Variants in SEZ6L2 observed in about 807,000 individuals in gnomAD.
SEZ6L2 encodes the protein seizure 6-like protein 2.
SEZ6L2 carries 44 observed loss-of-function variants against 97.0 expected under a neutral mutation model. The ratio of observed to expected loss-of-function variants is 0.45; its 90% CI spans 0.36 to 0.58. The LOEUF is 0.58. SEZ6L2 is among the 20% of genes least tolerant of loss of function. SEZ6L2 has a pLI of 0.00. For synonymous variants in SEZ6L2, 543 were observed against 546.1 expected, an observed-to-expected ratio of 0.99 and a Z score of 0.08; for missense variants, 1,086 against 1,233.3, an observed-to-expected ratio of 0.88 and a Z score of 1.79.
chr16:29,872,693 G>T lies in SEZ6L2; in HGVS notation c.2527+12C>A. On this transcript the variant is annotated intron_variant, in intron 15 of 17. Coordinates refer to ENST00000617533, the MANE Select transcript of SEZ6L2 (RefSeq NM_001243332.2). ...CTGGCCAGCCTGGGTCTCCACCTGT[G>T]CTCTCACTGACCTTCCAGTTTTCGG... is the stretch of plus-strand genomic sequence containing the variant. 6.2e-7 allele frequency: 1 copy of T among 1,613,176 alleles called. No individual in the cohort carries two copies. Among genetic ancestry groups the T allele is most frequent in the Non-Finnish European group, 8.5e-7 (1 of 1,179,696 alleles).
chr16:29,898,063 C>T, intron 1 of SEZ6L2, 79 bp from the exon 2 acceptor site: 1 of 1,581,676 alleles, frequency 6.3e-7, no homozygotes, highest in South Asian at 1.1e-5. Context: ...TAGAACTCTT[C>T]CTCCCTCCTC....
Position 29,887,713 on chromosome 16 carries a change from C to T in SEZ6L2, c.1144G>A (p.Ala382Thr). The T allele has an allele frequency of 1.2e-6, 2 of 1,612,254 alleles. No individual in the cohort carries two copies. The highest frequency in any genetic ancestry group is 1.7e-5 in the Admixed American group (1 of 59,788). Reference protein sequence around the residue: ...PNLTCRWVIEAAEGRRLHLHF... With the variant: ...PNLTCRWVIETAEGRRLHLHF... Reference sequence around the variant, plus strand: ...AGGTGCAGCCGGCGCCCCTCAGCTGCTTCAATGACCCAACGGCAGGTGAGG... The same window carrying T: ...AGGTGCAGCCGGCGCCCCTCAGCTGTTTCAATGACCCAACGGCAGGTGAGG... Residue 382 changes from alanine (A) to threonine (T), a missense_variant, in exon 7 of 18, where the codon GCA becomes ACA. By Grantham distance (58) the Ala-to-Thr change is moderately conservative. This residue lies in a region of SEZ6L2 where 776 missense variants were observed against 794.7 expected (regional missense o/e 0.98). Coordinates refer to ENST00000617533, the MANE Select transcript of SEZ6L2 (RefSeq NM_001243332.2).
chr16:29,890,842 G>A lies in SEZ6L2; in HGVS notation c.854-2117C>T, dbSNP rs112011829. Among the ~76,000 whole-genome samples, 690 of 146,702 alleles carry A rather than the reference G, an allele frequency of 4.7e-3. 2 individuals are homozygous for A. Among genetic ancestry groups the A allele is most frequent in the African/African-American group, 0.017 (674 of 39,836 alleles). Reference sequence around the variant, plus strand: ...CAGCTCATTGCAACTTTTACCTCCCGGGTTCAAGTAATTCTCCTCCCTCAG... The same window carrying A: ...CAGCTCATTGCAACTTTTACCTCCCAGGTTCAAGTAATTCTCCTCCCTCAG... On this transcript the variant is annotated intron_variant, in intron 5 of 17. Transcript: ENST00000617533.
At chr16:29,874,706 G>A (rs1386196433) in intron 12 of SEZ6L2, among the ~76,000 whole-genome samples, 2 of 151,392 alleles carry the variant, frequency 1.3e-5, no homozygotes, top group South Asian at 2.1e-4. Context: ...GAGTAGCTGC[G>A]ATTACAGGCA....
intron 5 of SEZ6L2, among the ~76,000 whole-genome samples, chr16:29,890,743 CTTTTTTTTTTTTTT>C (rs71143763): frequency 4.0e-5 from 3 of 74,360 alleles, no homozygotes; most frequent in African/African-American, 6.0e-5. Flanking sequence ...TAACCATTGT[CTTTTTTTTTTTTTT>C]TTTTTTTTTT....
intron 7 of SEZ6L2, among the ~76,000 whole-genome samples, chr16:29,886,512 A>C (rs891722618): frequency 6.9e-6 from 1 of 145,006 alleles, no homozygotes; most frequent in Non-Finnish European, 1.5e-5. Context: ...CAACTCTACT[A>C]AAAAAAAAAG....
At chr16:29,878,746 A>AT (rs1238821430) in intron 9 of SEZ6L2, among the ~76,000 whole-genome samples, 19 of 114,284 alleles carry the variant, frequency 1.7e-4, no homozygotes, top group African/African-American at 6.3e-4. Context: ...ACCACACCCT[A>AT]TTTTTTTTTC....
chr16:29,891,930 T>G (rs1020137925), intron 5 of SEZ6L2, among the ~76,000 whole-genome samples: 15 of 152,124 alleles, frequency 9.9e-5, no homozygotes, highest in African/African-American at 3.1e-4. Context: ...CACCCACCCC[T>G]CAGCCTCAAT....
At chr16:29,890,197 A>T (rs892860608) in intron 5 of SEZ6L2, among the ~76,000 whole-genome samples, 3 of 152,104 alleles carry the variant, frequency 2.0e-5, no homozygotes, top group African/African-American at 7.2e-5. Context: ...GCCACTGAGT[A>T]TTAAGATCTT....
chr16:29,895,230 C>CACTG, intron 5 of SEZ6L2, 29 bp downstream of exon 5: 1 of 1,585,090 alleles, frequency 6.3e-7, no homozygotes, highest in Non-Finnish European at 8.7e-7. Flanking sequence ...TGGCCCCTGC[C>CACTG]CTTCCAGCAG....
At chr16:29,887,929 G>T in intron 6 of SEZ6L2, 112 bp from the exon 7 acceptor site, 1 of 1,202,062 alleles carries the variant, frequency 8.3e-7, no homozygotes, top group South Asian at 1.4e-5. Flanking sequence ...CTGGGACCCG[G>T]CCCAGGGCTG....
At chr16:29,880,085 A>G in intron 8 of SEZ6L2, 21 bp from the exon 9 acceptor site, 1 of 1,611,692 alleles carries the variant, frequency 6.2e-7, no homozygotes, top group Admixed American at 1.7e-5. Context: ...GTCAGTCATA[A>G]CAATTAAGCA....
chr16:29,878,271 C>G lies in SEZ6L2; in HGVS notation c.1712+16G>C. On this transcript the variant is annotated intron_variant, in intron 10 of 17. Coordinates refer to ENST00000617533, the MANE Select transcript of SEZ6L2 (RefSeq NM_001243332.2). ...GAGCCTACACCCGTCGCACCCTCTG[C>G]AGGACCCAAACATACATCTCAACTT... 1.9e-6 allele frequency: 3 copies of G among 1,586,382 alleles called. No individual in the cohort carries two copies. Among genetic ancestry groups the G allele is most frequent in the Non-Finnish European group, 2.6e-6 (3 of 1,163,642 alleles).
At chr16:29,889,974 T>G (rs1225663617) in intron 5 of SEZ6L2, among the ~76,000 whole-genome samples, 1 of 151,986 alleles carries the variant, frequency 6.6e-6, no homozygotes, top group South Asian at 2.1e-4. Flanking sequence ...ATTGGCGCAA[T>G]CTCGGCTCAC....
In SEZ6L2 at chr16:29,883,260, C is replaced by G. The variant is rs529045071; in HGVS notation, c.1372+2326G>C. 2.8e-3 allele frequency among the ~76,000 whole-genome samples: 425 copies of G among 152,210 alleles called. 1 individual carries two copies. The highest frequency in any genetic ancestry group is 9.8e-3 in the African/African-American group (408 of 41,514). On this transcript the variant is annotated intron_variant, in intron 8 of 17. Transcript: ENST00000617533. ...AATTCTGTTTCCCAGACATACCAGG[C>G]ATTTCCCTACTTGCTGTTTCTCAAA...
Position 29,897,058 on chromosome 16 carries a change from AG to A in SEZ6L2, c.274del (p.Leu92CysfsTer12). 6.3e-7 allele frequency: 1 copy of A among 1,581,982 alleles called. No individual in the cohort carries two copies. Among genetic ancestry groups the A allele is most frequent in the Non-Finnish European group, 8.5e-7 (1 of 1,171,688 alleles). On this transcript the variant is annotated frameshift_variant, in exon 3 of 18. Coordinates refer to ENST00000617533, the MANE Select transcript of SEZ6L2 (RefSeq NM_001243332.2). LOFTEE classifies it high-confidence loss of function. ...TGTCCCCGGCTCAGTGGCCCGTGGC[AG>A]GGAGGGCACTGCGAGAGTCTGGCCG... ...PAGQTLAVPS[L>X]PRATEPGTGP...
chr16:29,872,481 A>G lies in SEZ6L2; in HGVS notation c.2573T>C (p.Leu858Pro). 6.2e-7 allele frequency: 1 copy of G among 1,614,246 alleles called. No individual in the cohort carries two copies. The highest frequency in any genetic ancestry group is 8.5e-7 in the Non-Finnish European group (1 of 1,180,046). Reference sequence around the variant, plus strand: ...TAGAGGCAGCAGGATGGCCAGGGCCAGGTTCCCCCCTTCCAGCTGCCGTGA... The same window carrying G: ...TAGAGGCAGCAGGATGGCCAGGGCCGGGTTCCCCCCTTCCAGCTGCCGTGA... Reference protein sequence around the residue: ...DPSRQLEGGNLALAILLPLGL... With the variant: ...DPSRQLEGGNPALAILLPLGL... Residue 858 changes from leucine (L) to proline (P), a missense_variant, in exon 16 of 18, where the codon CTG (leucine) becomes CCG (proline). This residue lies in a region of SEZ6L2 where 310 missense variants were observed against 438.6 expected (regional missense o/e 0.71). Coordinates refer to ENST00000617533, the MANE Select transcript of SEZ6L2 (RefSeq NM_001243332.2).
chr16:29,890,981 AC>A (rs1164484304), intron 5 of SEZ6L2, among the ~76,000 whole-genome samples: 28 of 151,666 alleles, frequency 1.8e-4, no homozygotes, highest in Middle Eastern at 3.4e-3. Flanking sequence ...TTGCTCTGTC[AC>A]CCAGGCTGGA....
chr16:29,895,543 G>A, intron 4 of SEZ6L2, 83 bp from the exon 5 acceptor site: 2 of 1,495,286 alleles, frequency 1.3e-6, no homozygotes, highest in South Asian at 1.2e-5. Flanking sequence ...CCTTTGCCCT[G>A]TGTGTAGCAG....
Sources: gnomAD v4.1 joint callset for allele counts (sites outside exome capture counted in the v4.1 genomes callset) on GRCh38, gnomAD v4.1.1 for gene constraint, gnomAD v4.1.1 regional missense constraint, MANE v1.5 for transcripts, NCBI Gene and HGNC (gene_info 2026-07-23, HGNC 2026-07-21) for gene names.